FASLG: variants seen among roughly 807,000 people sequenced by gnomAD.
FASLG encodes the protein Fas ligand.
Under a neutral mutation model 24.6 loss-of-function variants are expected in FASLG, and 9 were observed. That is an observed-to-expected ratio of 0.37 (90% CI 0.22 to 0.64). FASLG has a LOEUF of 0.64. FASLG is among the 30% of genes least tolerant of loss of function. The probability of loss-of-function intolerance (pLI) is 0.64; values close to 1 mark genes in which losing one functional copy is unlikely to be tolerated. For synonymous variants in FASLG, 130 were observed against 135.5 expected, an observed-to-expected ratio of 0.96 and a Z score of 0.28; for missense variants, 306 against 345.3, an observed-to-expected ratio of 0.89 and a Z score of 0.90.
At chr1:172,663,194 G>A (rs1212525529) in intron 2 of FASLG, among the ~76,000 whole-genome samples, 1 of 152,178 alleles carries the variant, frequency 6.6e-6, no homozygotes, top group Non-Finnish European at 1.5e-5. Flanking sequence ...TCTGTTTTGA[G>A]AACTATTGTC....
Position 172,659,345 on chromosome 1 carries a change from ACCG to A in FASLG, c.147_149del (p.Pro53del), listed in dbSNP as rs778640973. 39 of 1,608,446 alleles carry A rather than the reference ACCG, an allele frequency of 2.4e-5. No homozygotes were observed. The highest frequency in any genetic ancestry group is 6.7e-5 in the African/African-American group (5 of 74,416). On this transcript the variant is annotated inframe_deletion, in exon 1 of 4. Transcript: ENST00000367721. ...CTGGTCAAAGGAGGCCACCACCACC[ACCG>A]CCACCGCCACCACTACCACCTCCGC...
chr1:172,659,722 G>C (rs1456020210), intron 1 of FASLG, among the ~76,000 whole-genome samples, 173 bp downstream of exon 1: 3 of 152,024 alleles, frequency 2.0e-5, no homozygotes, highest in Admixed American at 6.5e-5. Context: ...AGGGGTGAAG[G>C]GAATATTTTT....
chr1:172,661,580 T>C (rs1426595260), intron 2 of FASLG, among the ~76,000 whole-genome samples: 1 of 152,204 alleles, frequency 6.6e-6, no homozygotes, highest in African/African-American at 2.4e-5. Context: ...ATTTAGTGAT[T>C]AAAAGTCAAA....
chr1:172,659,532 C>A lies in FASLG; in HGVS notation c.331C>A (p.Leu111Met). 6.2e-7 allele frequency: 1 copy of A among 1,613,812 alleles called. No homozygotes were observed. The highest frequency in any genetic ancestry group is 1.3e-5 in the African/African-American group (1 of 75,022). Residue 111 changes from leucine (L) to methionine (M), a missense_variant, in exon 1 of 4, where the codon CTG (leucine) becomes ATG (methionine). Physicochemically the swap from Leu to Met is conservative, Grantham distance 15 (BLOSUM62 2). Coordinates refer to ENST00000367721, the MANE Select transcript of FASLG (RefSeq NM_000639.3). The part of the protein sequence containing the change: ...MFQLFHLQKE[L>M]AELRESTSQM... Reference sequence around the variant, plus strand: ...TCAGCTCTTCCACCTACAGAAGGAGCTGGCAGAACTCCGAGAGGTAAGCCT... The same window carrying A: ...TCAGCTCTTCCACCTACAGAAGGAGATGGCAGAACTCCGAGAGGTAAGCCT...
At position 172,666,188 on chromosome 1, in the gene FASLG, G is replaced by C; in HGVS notation, c.*172G>C. On this transcript the variant is annotated 3_prime_UTR_variant, in exon 4 of 4. Transcript: ENST00000367721. ...TCTGTAGCTCCTCAACTCACCTAATGTTTATGAGCCAGACAAATGGAGGAA... is the reference window on the plus strand; with the variant it reads ...TCTGTAGCTCCTCAACTCACCTAATCTTTATGAGCCAGACAAATGGAGGAA... 1 of 687,242 alleles carries C rather than the reference G, an allele frequency of 1.5e-6. No homozygotes were observed. The highest frequency in any genetic ancestry group is 2.4e-6 in the Non-Finnish European group (1 of 410,002). 42.6% of individuals were successfully genotyped at this position (687,242 alleles called of 1,614,324 possible). A position where few individuals can be genotyped will look rare whatever the true frequency, so the allele number is the denominator to read the frequency against.
rs1410428089 is a variant in FASLG, at chr1:172,659,129, T to C, written c.-73T>C. The C allele has an allele frequency of 6.2e-7, 1 of 1,606,128 alleles. No individual in the cohort carries two copies. The highest frequency in any genetic ancestry group is 8.5e-7 in the Non-Finnish European group (1 of 1,176,426). ...GCAGTCAGCAACAGGGTCCCGTCCTTGACACCTCAGCCTCTACAGGACTGA... is the reference window on the plus strand; with the variant it reads ...GCAGTCAGCAACAGGGTCCCGTCCTCGACACCTCAGCCTCTACAGGACTGA... On this transcript the variant is annotated 5_prime_UTR_variant, in exon 1 of 4. Transcript: ENST00000367721.
chr1:172,662,469 T>C (rs1335638787), intron 2 of FASLG, among the ~76,000 whole-genome samples: 1 of 152,220 alleles, frequency 6.6e-6, no homozygotes. Flanking sequence ...ATGGAGCTTT[T>C]AGCAGGGGGA....
At position 172,666,269 on chromosome 1, in the gene FASLG, A is replaced by G. The variant is rs1659262671; in HGVS notation, c.*253A>G. On this transcript the variant is annotated 3_prime_UTR_variant, in exon 4 of 4. Coordinates refer to ENST00000367721, the MANE Select transcript of FASLG (RefSeq NM_000639.3). Reference sequence around the variant, plus strand: ...CCATGTGAAGAGGGAGAAGCATGAAAAAGCAGCTACCAGGTGTTCTACACT... The same window carrying G: ...CCATGTGAAGAGGGAGAAGCATGAAGAAGCAGCTACCAGGTGTTCTACACT... The G allele has an allele frequency of 1.9e-6, 1 of 520,294 alleles. No homozygotes were observed. The highest frequency in any genetic ancestry group is 1.9e-5 in the African/African-American group (1 of 52,364). 32.2% of individuals were successfully genotyped at this position (520,294 alleles called of 1,614,324 possible).
chr1:172,664,293 A>G, intron 2 of FASLG, 41 bp from the exon 3 acceptor site: 2 of 1,589,886 alleles, frequency 1.3e-6, no homozygotes, highest in African/African-American at 1.3e-5. Context: ...AATAGTTGCT[A>G]TTTCATTTTA....
rs56390505 is a variant in FASLG, at chr1:172,664,471, G to C, written c.451+81G>C. Reference sequence around the variant, plus strand: ...ATGGCTGCCTGGTTTCCATTACCAGGCTCTAGAGAGTTGTTACTTCCTGGA... The same window carrying C: ...ATGGCTGCCTGGTTTCCATTACCAGCCTCTAGAGAGTTGTTACTTCCTGGA... On this transcript the variant is annotated intron_variant, in intron 3 of 3. Coordinates refer to ENST00000367721, the MANE Select transcript of FASLG (RefSeq NM_000639.3). 3,221 of 1,350,366 alleles carry C rather than the reference G, an allele frequency of 2.4e-3. 51 individuals carry two copies. In the East Asian group the frequency reaches 0.043, roughly 18 times the overall value. The allele number at this position is 1,350,366 out of a possible 1,614,324, so 83.6% of individuals were successfully genotyped here.
chr1:172,662,597 C>T (rs544830518), intron 2 of FASLG, among the ~76,000 whole-genome samples: 158 of 142,850 alleles, frequency 1.1e-3, no homozygotes, highest in Non-Finnish European at 1.3e-3. Flanking sequence ...GTCAGAAGCC[C>T]GATGAGTGAA....
Position 172,665,974 on chromosome 1 carries a change from T to C in FASLG, c.804T>C (p.Asn268=). Residue 268 remains asparagine (N), a synonymous_variant, in exon 4 of 4, where the codon AAT becomes AAC. Transcript: ENST00000367721. ...YVNVSELSLV[N]FEESQTFFGL... ...ACGTATCTGAGCTCTCTCTGGTCAATTTTGAGGAATCTCAGACGTTTTTCG... is the reference window on the plus strand; with the variant it reads ...ACGTATCTGAGCTCTCTCTGGTCAACTTTGAGGAATCTCAGACGTTTTTCG... The C allele has an allele frequency of 6.2e-7, 1 of 1,614,132 alleles. No homozygotes were observed. Among genetic ancestry groups the C allele is most frequent in the Non-Finnish European group, 8.5e-7 (1 of 1,179,990 alleles).
chr1:172,659,197 C>G lies in FASLG; in HGVS notation c.-5C>G, dbSNP rs1450725929. 1 of 1,614,204 alleles carries G rather than the reference C, an allele frequency of 6.2e-7. No individual in the cohort carries two copies. The highest frequency in any genetic ancestry group is 1.7e-5 in the Admixed American group (1 of 60,022). On this transcript the variant is annotated 5_prime_UTR_variant, in exon 1 of 4. Transcript: ENST00000367721. The stretch of plus-strand genomic sequence containing the variant: ...TGCTGGGGCTGGCCTGACTCACCAG[C>G]TGCCATGCAGCAGCCCTTCAATTAC...
Position 172,666,187 on chromosome 1 carries a change from T to A in FASLG, c.*171T>A. On this transcript the variant is annotated 3_prime_UTR_variant, in exon 4 of 4. Transcript: ENST00000367721. ...GTCTGTAGCTCCTCAACTCACCTAA[T>A]GTTTATGAGCCAGACAAATGGAGGA... 1 of 692,988 alleles carries A rather than the reference T, an allele frequency of 1.4e-6. No homozygotes were observed. Among genetic ancestry groups the A allele is most frequent in the Middle Eastern group, 4.0e-4 (1 of 2,504 alleles). The allele number at this position is 692,988 out of a possible 1,614,324, so 42.9% of individuals were successfully genotyped here. A position where few individuals can be genotyped will look rare whatever the true frequency, so the allele number is the denominator to read the frequency against.
At chr1:172,663,684 C>T (rs1393169012) in intron 2 of FASLG, among the ~76,000 whole-genome samples, 1 of 152,100 alleles carries the variant, frequency 6.6e-6, no homozygotes, top group Non-Finnish European at 1.5e-5. Flanking sequence ...TATACGACGG[C>T]ATCTTCGGGG....
At chr1:172,660,515 C>A (rs1422686787) in intron 2 of FASLG, among the ~76,000 whole-genome samples, 1 of 152,118 alleles carries the variant, frequency 6.6e-6, no homozygotes. Context: ...GAAGAGAAGG[C>A]GAAATGAAGG....
chr1:172,659,500 G>A lies in FASLG; in HGVS notation c.299G>A (p.Gly100Glu). 6.2e-7 allele frequency: 1 copy of A among 1,614,084 alleles called. No individual in the cohort carries two copies. Among genetic ancestry groups the A allele is most frequent in the Non-Finnish European group, 8.5e-7 (1 of 1,180,014 alleles). Residue 100 changes from glycine to glutamate, a missense_variant, in exon 1 of 4, where the codon GGG (glycine) becomes GAG (glutamate). By Grantham distance (98) the Gly-to-Glu change is moderately conservative (BLOSUM62 -2). Transcript: ENST00000367721. ...GTTGCCTTGGTAGGATTGGGCCTGG[G>A]GATGTTTCAGCTCTTCCACCTACAG... is the stretch of plus-strand genomic sequence containing the variant. ...VLVALVGLGL[G>E]MFQLFHLQKE...
chr1:172,664,651 T>C (rs1396830145), intron 3 of FASLG, among the ~76,000 whole-genome samples: 1 of 152,218 alleles, frequency 6.6e-6, no homozygotes, highest in Non-Finnish European at 1.5e-5. Flanking sequence ...GCTCATTCTT[T>C]TCAGTCATTC....
At position 172,666,400 on chromosome 1, in the gene FASLG, G is replaced by A. The variant is rs1659268474; in HGVS notation, c.*384G>A. The A allele has an allele frequency of 5.0e-6, 1 of 199,142 alleles. No individual in the cohort carries two copies. The highest frequency in any genetic ancestry group is 1.1e-5 in the Non-Finnish European group (1 of 95,052). The allele number at this position is 199,142 out of a possible 1,614,324, so 12.3% of individuals were successfully genotyped here. A position where few individuals can be genotyped will look rare whatever the true frequency, so the allele number is the denominator to read the frequency against. On this transcript the variant is annotated 3_prime_UTR_variant, in exon 4 of 4. Transcript: ENST00000367721. Reference sequence around the variant, plus strand: ...AAGGGGGACTGTCTTTCAGATACATGGTTGTGACCTGAGGATTTAAGGGAT... The same window carrying A: ...AAGGGGGACTGTCTTTCAGATACATAGTTGTGACCTGAGGATTTAAGGGAT...
Sources: allele counts gnomAD v4.1 joint callset (sites outside exome capture counted in the v4.1 genomes callset), GRCh38; gene constraint gnomAD v4.1.1; transcripts MANE v1.5; gene names NCBI Gene and HGNC (gene_info 2026-07-23, HGNC 2026-07-21).